FGF13: variants seen among roughly 807,000 people sequenced by gnomAD.
FGF13 encodes fibroblast growth factor homologous factor 2.
In FGF13, 2 loss-of-function variants were observed where a neutral mutation model predicts 19.5. The ratio of observed to expected loss-of-function variants is 0.10; its 90% CI spans 0.04 to 0.32. FGF13 has a LOEUF of 0.32. FGF13 is among the 10% of genes least tolerant of loss of function. The pLI, the probability that FGF13 is intolerant of heterozygous loss-of-function variation, is 1.00. For synonymous variants in FGF13, 72 were observed against 76.9 expected (o/e 0.94, Z 0.33); for missense variants, 113 against 192.7 (o/e 0.59, Z 2.45).
chrX:138,936,231 T>G (rs923474688), intron 1 of FGF13, among the ~76,000 whole-genome samples: 1 of 112,265 alleles, frequency 8.9e-6, no homozygotes, highest in Non-Finnish European at 1.9e-5. Flanking sequence ...CCTCTATCCC[T>G]CGGATGCTTC....
At position 138,673,731 on chromosome X, in the gene FGF13, CAT is replaced by C. The variant is rs763837623; in HGVS notation, c.402+29251_402+29252del. Among the ~76,000 whole-genome samples the C allele has an allele frequency of 4.5e-5, 5 of 110,606 alleles. No homozygotes were observed. The South Asian group carries it at 1.9e-3, about 42-fold the overall frequency. ...GATATGGTGGAGAGGGATACGAAGACATGAGAGAGAGAGAAAGAAAGAAAAGA... is the reference window on the plus strand; with the variant it reads ...GATATGGTGGAGAGGGATACGAAGACGAGAGAGAGAGAAAGAAAGAAAAGA... On this transcript the variant is annotated intron_variant, in intron 3 of 4. Transcript: ENST00000315930.
chrX:138,664,697 G>GA (rs1265640622), intron 3 of FGF13, among the ~76,000 whole-genome samples: 2 of 110,826 alleles, frequency 1.8e-5, no homozygotes, highest in African/African-American at 6.5e-5. Flanking sequence ...ATAAGGCTGA[G>GA]AAAAAAATGA....
chrX:139,039,430 T>A (rs772895172), intron 1 of FGF13, among the ~76,000 whole-genome samples: 23 of 112,188 alleles, frequency 2.1e-4, no homozygotes, highest in Non-Finnish European at 3.9e-4. Context: ...AAAGGATGTG[T>A]TTTATATTTT....
rs753650227 is a variant in FGF13 at position 138,977,409 on chromosome X, A to G, written c.-112-112759T>C. Among the ~76,000 whole-genome samples, 4 of 112,287 alleles carry G rather than the reference A, an allele frequency of 3.6e-5. No individual in the cohort carries two copies. In the East Asian group the frequency reaches 1.1e-3, roughly 31 times the overall value. On this transcript the variant is annotated intron_variant, in intron 1 of 2. Coordinates refer to the FGF13 transcript ENST00000421460. ...TACAAAATCTTAAATGATCTTGCCTATGATCTACTACTTAATAGGTGAGTG... is the reference window on the plus strand; with the variant it reads ...TACAAAATCTTAAATGATCTTGCCTGTGATCTACTACTTAATAGGTGAGTG...
intron 1 of FGF13, among the ~76,000 whole-genome samples, chrX:138,932,589 C>T (rs935002428): frequency 9.1e-6 from 1 of 109,754 alleles, no homozygotes. Context: ...GCGACAGAGA[C>T]CGGAGAGGGA....
At chrX:139,163,398 G>C (rs1264946718) in intron 1 of FGF13, among the ~76,000 whole-genome samples, 1 of 110,476 alleles carries the variant, frequency 9.1e-6, no homozygotes, top group Non-Finnish European at 1.9e-5. Context: ...GTCAGGGGGT[G>C]GGGGCCTAGG....
At chrX:138,830,768 T>G (rs1349260318) in intron 3 of FGF13, among the ~76,000 whole-genome samples, 1 of 106,112 alleles carries the variant, frequency 9.4e-6, no homozygotes, top group Non-Finnish European at 1.9e-5. Flanking sequence ...AAGGTGTGTT[T>G]AGGAGAGCAA....
intron 3 of FGF13, among the ~76,000 whole-genome samples, chrX:138,759,602 C>T (rs1266485796): frequency 8.9e-6 from 1 of 112,034 alleles, no homozygotes; most frequent in Non-Finnish European, 1.9e-5. Context: ...TCCCGCCTGC[C>T]TTACTCTGTA....
chrX:138,681,225 T>G (rs184302866), intron 3 of FGF13, among the ~76,000 whole-genome samples: 222 of 111,382 alleles, frequency 2.0e-3, no homozygotes, highest in African/African-American at 6.8e-3. Context: ...TGTAGCCACC[T>G]TCATCAATGA....
chrX:138,786,361 T>C (rs2090692178), intron 3 of FGF13, among the ~76,000 whole-genome samples: 1 of 111,148 alleles, frequency 9.0e-6, no homozygotes, highest in South Asian at 3.8e-4. Flanking sequence ...AAAGTATAAA[T>C]ACCCACTCTG....
At chrX:138,917,135 C>T (rs1376811245) in intron 1 of FGF13, among the ~76,000 whole-genome samples, 1 of 111,564 alleles carries the variant, frequency 9.0e-6, no homozygotes, top group Non-Finnish European at 1.9e-5. Flanking sequence ...ACTAAGTGGC[C>T]TAACACTTAG....
chrX:139,088,540 GAA>G (rs142651925), intron 1 of FGF13, among the ~76,000 whole-genome samples: 2 of 65,579 alleles, frequency 3.0e-5, no homozygotes. Flanking sequence ...TTACTTGCAA[GAA>G]AAAAAAAAAA....
intron 4 of FGF13, among the ~76,000 whole-genome samples, chrX:138,633,600 G>A (rs943665127): frequency 8.0e-4 from 89 of 111,727 alleles, no homozygotes; most frequent in African/African-American, 2.9e-3. Flanking sequence ...TCTAAGTATT[G>A]GATAATTCTT....
intron 3 of FGF13, among the ~76,000 whole-genome samples, chrX:138,808,580 A>G (rs1224645468): frequency 9.0e-6 from 1 of 111,535 alleles, no homozygotes; most frequent in East Asian, 2.8e-4. Flanking sequence ...AAGGCAAGAA[A>G]TTACTAAGAT....
Position 138,711,638 on chromosome X carries a change from G to A in FGF13, c.-635C>T. Reference sequence around the variant, plus strand: ...AAACAGGTAATGGCCTCGCATCTTCGCTGTTGCTGCTGCTCTGGGCGCGGC... The same window carrying A: ...AAACAGGTAATGGCCTCGCATCTTCACTGTTGCTGCTGCTCTGGGCGCGGC... On this transcript the variant is annotated 5_prime_UTR_variant, in exon 1 of 5. Transcript: ENST00000315930. The A allele has an allele frequency of 1.3e-6, 1 of 754,298 alleles. No homozygotes were observed. Among genetic ancestry groups the A allele is most frequent in the Non-Finnish European group, 1.6e-6 (1 of 638,720 alleles). 62.2% of individuals were successfully genotyped at this position (754,298 alleles called of 1,213,427 possible).
intron 1 of FGF13, among the ~76,000 whole-genome samples, chrX:138,998,972 C>A (rs1282159494): frequency 1.8e-5 from 2 of 111,876 alleles, no homozygotes; most frequent in Non-Finnish European, 3.8e-5. Context: ...GAAGAGACAT[C>A]ACAACAAACT....
intron 1 of FGF13, among the ~76,000 whole-genome samples, chrX:138,943,701 C>T: frequency 9.0e-6 from 1 of 111,626 alleles, no homozygotes; most frequent in Non-Finnish European, 1.9e-5. Flanking sequence ...TTCAAATTCT[C>T]ATCATTTTAG....
At chrX:138,944,536 T>C (rs1341046032) in intron 1 of FGF13, among the ~76,000 whole-genome samples, 1 of 111,044 alleles carries the variant, frequency 9.0e-6, no homozygotes, top group Non-Finnish European at 1.9e-5. Flanking sequence ...GAAGGAATTA[T>C]TATGTGATAA....
chrX:138,870,189 C>T (rs1236746419), intron 1 of FGF13, among the ~76,000 whole-genome samples: 1 of 111,879 alleles, frequency 8.9e-6, no homozygotes, highest in Admixed American at 9.5e-5. Flanking sequence ...TTATTAAAGG[C>T]AATGTCCTCC....
Sources: gnomAD v4.1 joint callset for allele counts (sites outside exome capture counted in the v4.1 genomes callset) on GRCh38, gnomAD v4.1.1 for gene constraint, MANE v1.5 for transcripts, NCBI Gene and HGNC (gene_info 2026-07-23, HGNC 2026-07-21) for gene names.